The following PAAF1 variants were observed in gnomAD, a reference collection of about 807,000 sequenced individuals.
PAAF1 encodes the protein proteasomal ATPase-associated factor 1.
In PAAF1, 46 loss-of-function variants were observed where a neutral mutation model predicts 52.8. That is an observed-to-expected ratio of 0.87 (90% CI 0.69 to 1.11). The LOEUF is 1.11. Among genes scored for constraint, PAAF1 ranks in the 50% most tolerant of loss-of-function variants. The probability of loss-of-function intolerance (pLI) is 0.00; values close to 1 mark genes in which losing one functional copy is unlikely to be tolerated. For missense variants in PAAF1, 424 were observed against 477.4 expected (o/e 0.89, Z 1.04); for synonymous variants, 178 against 172.8 (o/e 1.03, Z -0.24).
At chr11:73,920,423 CAGGAGGCTGAGGTGGG>C (rs1950182457) in intron 10 of PAAF1, among the ~76,000 whole-genome samples, 1 of 151,754 alleles carries the variant, frequency 6.6e-6, no homozygotes, top group Admixed American at 6.6e-5. Flanking sequence ...CCCAGCTACT[CAGGAGGCTGAGGTGGG>C]AGGATCACTT....
chr11:73,922,160 A>T, intron 10 of PAAF1: 1 of 897,508 alleles, frequency 1.1e-6, no homozygotes, highest in Non-Finnish European at 1.8e-6. Context: ...GTTCAGTGTC[A>T]GGATCCATGA....
chr11:73,919,892 T>C (rs1299847833), intron 10 of PAAF1, among the ~76,000 whole-genome samples: 1 of 152,188 alleles, frequency 6.6e-6, no homozygotes, highest in Non-Finnish European at 1.5e-5. Context: ...AGGATACTGC[T>C]TCACTTAACA....
rs1372275701 is a variant in PAAF1 at position 73,880,697 on chromosome 11, A to G, written c.88+1878A>G. 16 of 102,236 alleles carry G rather than the reference A, an allele frequency of 1.6e-4. 1 individual carries two copies. The highest frequency in any genetic ancestry group is 6.8e-4 in the African/African-American group (13 of 19,222). 6.3% of individuals were successfully genotyped at this position (102,236 alleles called of 1,614,324 possible). A position where few individuals can be genotyped will look rare whatever the true frequency, so the allele number is the denominator to read the frequency against. Reference sequence around the variant, plus strand: ...GCAAGACTCTGTCTCGAAAAAAAAAAAAAAAAAAAAAAAAAAAAAAGCCAG... The same window carrying G: ...GCAAGACTCTGTCTCGAAAAAAAAAGAAAAAAAAAAAAAAAAAAAAGCCAG... On this transcript the variant is annotated intron_variant, in intron 2 of 11. Transcript: ENST00000310571.
chr11:73,892,276 T>C (rs548077004), intron 4 of PAAF1, among the ~76,000 whole-genome samples: 53 of 145,792 alleles, frequency 3.6e-4, no homozygotes, highest in African/African-American at 1.4e-3. Flanking sequence ...TGAGCCATGA[T>C]CATGCCACTG....
chr11:73,885,830 G>A (rs1949044357), intron 2 of PAAF1, among the ~76,000 whole-genome samples: 1 of 130,888 alleles, frequency 7.6e-6, no homozygotes, highest in Non-Finnish European at 1.6e-5. Context: ...CGACAAGAGT[G>A]AAACTCCATC....
intron 2 of PAAF1, chr11:73,887,039 G>C (rs1949081329): frequency 2.2e-6 from 1 of 454,786 alleles, no homozygotes; most frequent in African/African-American, 2.0e-5. Flanking sequence ...AGTGGAAGCA[G>C]CCTGAGGCTC....
At chr11:73,879,741 C>G (rs571899690) in intron 2 of PAAF1, 1 of 150,874 alleles carries the variant, frequency 6.6e-6, no homozygotes, top group African/African-American at 2.4e-5. Flanking sequence ...GGCATAGTGG[C>G]ATGCGCATGT....
intron 7 of PAAF1, among the ~76,000 whole-genome samples, chr11:73,909,862 T>G (rs1949880743): frequency 3.3e-5 from 5 of 152,192 alleles, no homozygotes; most frequent in Admixed American, 3.3e-4. Context: ...GTCCGATCTT[T>G]TGGCTTCCCT....
At chr11:73,885,725 C>T (rs1469380435) in intron 2 of PAAF1, among the ~76,000 whole-genome samples, 1 of 151,458 alleles carries the variant, frequency 6.6e-6, no homozygotes, top group Non-Finnish European at 1.5e-5. Flanking sequence ...GCCTTTAATC[C>T]CAGGTACTTG....
intron 6 of PAAF1, among the ~76,000 whole-genome samples, chr11:73,902,449 C>G (rs1215733718): frequency 1.3e-5 from 2 of 152,202 alleles, no homozygotes; most frequent in African/African-American, 4.8e-5. Flanking sequence ...CACCTCCGAT[C>G]TGGCCATCCC....
chr11:73,879,097 C>T (rs1323502373), intron 2 of PAAF1: 13 of 215,034 alleles, frequency 6.0e-5, no homozygotes, highest in Non-Finnish European at 1.0e-4. Context: ...CTAAGCACTT[C>T]TGCAGCTTCA....
intron 10 of PAAF1, among the ~76,000 whole-genome samples, chr11:73,921,105 G>A (rs1950205436): frequency 6.6e-6 from 1 of 151,976 alleles, no homozygotes; most frequent in African/African-American, 2.4e-5. Flanking sequence ...TTTAAGACCA[G>A]CCTGGCCAAC....
At chr11:73,893,941 C>T (rs1030953129) in intron 4 of PAAF1, among the ~76,000 whole-genome samples, 1 of 151,844 alleles carries the variant, frequency 6.6e-6, no homozygotes, top group East Asian at 1.9e-4. Context: ...CATCTGTAGT[C>T]CCAGCTAGTC....
intron 7 of PAAF1, among the ~76,000 whole-genome samples, chr11:73,909,849 G>C (rs916682323): frequency 9.2e-5 from 14 of 152,126 alleles, no homozygotes; most frequent in African/African-American, 3.4e-4. Flanking sequence ...ATAAAGCAGG[G>C]GTGTCCGATC....
chr11:73,876,864 G>T, upstream of PAAF1: 1 of 717,728 alleles, frequency 1.4e-6, no homozygotes, highest in Non-Finnish European at 2.1e-6. Context: ...AGCCCCTCGT[G>T]GGGAGCGTGC....
rs1307056869 is a variant in PAAF1 at position 73,918,982 on chromosome 11, C to A, written c.968C>A (p.Ala323Glu). The change falls in exon 10 of 12, where the codon GCA becomes GAA. Residue 323 changes from alanine (A) to glutamate (E), a missense_variant. Coordinates refer to ENST00000310571, the MANE Select transcript of PAAF1 (RefSeq NM_025155.3). ...GTACAAGTCATCCACAGATCAGGAG[C>A]ACCAGTTCTATCCCTGCTAAGTGTC... ...APVQVIHRSGAPVLSLLSVRD... is the reference protein window; with the variant it reads ...APVQVIHRSGEPVLSLLSVRD... The A allele has an allele frequency of 6.2e-7, 1 of 1,613,988 alleles. No homozygotes were observed. Among genetic ancestry groups the A allele is most frequent in the Middle Eastern group, 1.6e-4 (1 of 6,062 alleles).
At chr11:73,884,502 A>T (rs184593092) in intron 2 of PAAF1, among the ~76,000 whole-genome samples, 31 of 152,138 alleles carry the variant, frequency 2.0e-4, no homozygotes, top group African/African-American at 7.2e-4. Flanking sequence ...CTCAAATATT[A>T]AAAAAATACA....
At chr11:73,876,778 C>A, upstream of PAAF1, 1 of 382,634 alleles carries the variant, frequency 2.6e-6, no homozygotes, top group East Asian at 3.9e-5. Context: ...GAGAAGAGGG[C>A]CCGAACGCAC....
At chr11:73,912,031 C>CT (rs373139313) in intron 7 of PAAF1, among the ~76,000 whole-genome samples, 2 of 149,908 alleles carry the variant, frequency 1.3e-5, no homozygotes, top group Non-Finnish European at 3.0e-5. Flanking sequence ...CCTCAAAAAA[C>CT]TTTTTTTTTT....
Sources: allele counts gnomAD v4.1 joint callset (sites outside exome capture counted in the v4.1 genomes callset), GRCh38; gene constraint gnomAD v4.1.1; transcripts MANE v1.5; gene names NCBI Gene and HGNC (gene_info 2026-07-23, HGNC 2026-07-21).